The following GRID1 variants were observed in gnomAD, a reference collection of about 807,000 sequenced individuals.
The protein encoded by GRID1 is glutamate receptor ionotropic, delta-1.
A neutral mutation model predicts 98.0 loss-of-function variants in GRID1; 28 were observed. That is an observed-to-expected ratio of 0.29 (90% CI 0.21 to 0.39). The LOEUF (loss-of-function observed/expected upper bound fraction) is 0.39, where lower values mean the gene tolerates loss of function less well. Ranked by LOEUF, GRID1 falls within the 10% of genes least tolerant of loss-of-function variation. GRID1 has a pLI of 1.00. For synonymous variants in GRID1, 553 were observed against 538.5 expected, an observed-to-expected ratio of 1.03 and a Z score of -0.37; for missense variants, 1,111 against 1,340.5, an observed-to-expected ratio of 0.83 and a Z score of 2.67.
chr10:85,862,912 T>A (rs966859573), intron 6 of GRID1, among the ~76,000 whole-genome samples: 1 of 152,004 alleles, frequency 6.6e-6, no homozygotes, highest in African/African-American at 2.4e-5. Context: ...GCAAGCAAGA[T>A]GAGGAGATAA....
chr10:85,869,675 T>C (rs1843257545), intron 5 of GRID1, among the ~76,000 whole-genome samples: 1 of 152,344 alleles, frequency 6.6e-6, no homozygotes, highest in East Asian at 1.9e-4. Context: ...ATTTATTCAC[T>C]ATTCATTCCA....
At chr10:86,014,727 A>G (rs1317070007) in intron 4 of GRID1, among the ~76,000 whole-genome samples, 1 of 152,266 alleles carries the variant, frequency 6.6e-6, no homozygotes, top group Non-Finnish European at 1.5e-5. Flanking sequence ...CCAGAATGTC[A>G]TAGACTTAAA....
intron 8 of GRID1, among the ~76,000 whole-genome samples, chr10:85,829,129 C>A (rs1271676603): frequency 6.6e-6 from 1 of 152,158 alleles, no homozygotes; most frequent in African/African-American, 2.4e-5. Flanking sequence ...TAGGCTTTAT[C>A]TCTGGGATGC....
intron 12 of GRID1, among the ~76,000 whole-genome samples, chr10:85,711,739 A>C (rs2132636813): frequency 6.6e-6 from 1 of 151,946 alleles, no homozygotes; most frequent in East Asian, 1.9e-4. Flanking sequence ...TCAACAAGTA[A>C]AAAAATAACA....
intron 2 of GRID1, among the ~76,000 whole-genome samples, chr10:86,299,743 G>C (rs1847654200): frequency 6.6e-6 from 1 of 152,096 alleles, no homozygotes. Context: ...ACACCAAGCA[G>C]AGTCAAGGGC....
chr10:86,244,797 G>A (rs1385861290), intron 2 of GRID1, among the ~76,000 whole-genome samples: 1 of 152,238 alleles, frequency 6.6e-6, no homozygotes, highest in Non-Finnish European at 1.5e-5. Context: ...GCTAGTCCTC[G>A]AATATCCTCA....
intron 4 of GRID1, among the ~76,000 whole-genome samples, chr10:85,926,223 C>G (rs538402192): frequency 1.3e-5 from 2 of 152,080 alleles, no homozygotes; most frequent in South Asian, 2.1e-4. Flanking sequence ...GTGGATGGTG[C>G]GACAGCTGGG....
chr10:85,873,602 AG>A (rs1460003783), intron 5 of GRID1, among the ~76,000 whole-genome samples: 1 of 152,222 alleles, frequency 6.6e-6, no homozygotes, highest in East Asian at 1.9e-4. Flanking sequence ...CCTTCTCAAA[AG>A]CTTACTCCTT....
intron 2 of GRID1, among the ~76,000 whole-genome samples, chr10:86,313,918 A>G (rs764114383): frequency 6.6e-6 from 1 of 152,130 alleles, no homozygotes; most frequent in Non-Finnish European, 1.5e-5. Context: ...TCTTGCAAAC[A>G]ATTTTCCCCT....
intron 8 of GRID1, among the ~76,000 whole-genome samples, chr10:85,852,791 A>G (rs1273329188): frequency 6.6e-6 from 1 of 152,030 alleles, no homozygotes; most frequent in East Asian, 1.9e-4. Flanking sequence ...CAAGTCTCAC[A>G]GCTTTGGGCA....
intron 3 of GRID1, among the ~76,000 whole-genome samples, chr10:86,190,689 C>T (rs533104519): frequency 2.6e-4 from 39 of 152,318 alleles, no homozygotes; most frequent in Non-Finnish European, 4.7e-4. Flanking sequence ...CTGCCGAGGC[C>T]CTCCAGTGAA....
chr10:86,034,223 C>T (rs1383178287), intron 4 of GRID1, among the ~76,000 whole-genome samples: 1 of 152,004 alleles, frequency 6.6e-6, no homozygotes, highest in African/African-American at 2.4e-5. Context: ...AAATTTAATG[C>T]TGAATTGAGA....
At chr10:85,700,412 C>G (rs934746580) in intron 12 of GRID1, among the ~76,000 whole-genome samples, 3 of 152,160 alleles carry the variant, frequency 2.0e-5, no homozygotes, top group Non-Finnish European at 4.4e-5. Context: ...TGCCACTGTC[C>G]TCCTGCCTTC....
chr10:85,978,818 C>T (rs972564629), intron 4 of GRID1, among the ~76,000 whole-genome samples: 2 of 152,204 alleles, frequency 1.3e-5, no homozygotes, highest in African/African-American at 4.8e-5. Context: ...CAGGATGCAA[C>T]CTGCTCAGCT....
intron 2 of GRID1, among the ~76,000 whole-genome samples, chr10:86,239,849 G>A (rs554923734): frequency 1.6e-4 from 24 of 152,268 alleles, no homozygotes; most frequent in African/African-American, 5.8e-4. Flanking sequence ...GTTTCAGGTA[G>A]TTATTTATAA....
chr10:85,733,859 G>A (rs564765030), intron 8 of GRID1, among the ~76,000 whole-genome samples: 3 of 152,036 alleles, frequency 2.0e-5, no homozygotes, highest in Non-Finnish European at 4.4e-5. Flanking sequence ...GTGATACGTG[G>A]ATATATGTGT....
intron 4 of GRID1, among the ~76,000 whole-genome samples, chr10:85,989,972 T>A (rs1236846239): frequency 2.6e-5 from 4 of 152,170 alleles, no homozygotes; most frequent in East Asian, 1.9e-4. Context: ...CCCTGTGAAA[T>A]TACAGCAAAA....
At chr10:86,150,117 T>C (rs1465667551) in intron 3 of GRID1, among the ~76,000 whole-genome samples, 1 of 152,264 alleles carries the variant, frequency 6.6e-6, no homozygotes, top group Non-Finnish European at 1.5e-5. Context: ...TCCTGCTGCT[T>C]TGATGCCATT....
intron 12 of GRID1, among the ~76,000 whole-genome samples, chr10:85,708,118 A>ACAAAAAAC (rs35135980): frequency 1.6e-5 from 2 of 125,606 alleles, no homozygotes; most frequent in African/African-American, 6.7e-5. Flanking sequence ...TATAATAAAA[A>ACAAAAAAC]AAAAAAAAAA....
Sources: gnomAD v4.1 joint callset for allele counts (sites outside exome capture counted in the v4.1 genomes callset) on GRCh38, gnomAD v4.1.1 for gene constraint, MANE v1.5 for transcripts, NCBI Gene and HGNC (gene_info 2026-07-23, HGNC 2026-07-21) for gene names.